The following PKHD1 variants were observed in gnomAD, a reference collection of about 807,000 sequenced individuals.
PKHD1 encodes the protein fibrocystin.
Under a neutral mutation model 412.0 loss-of-function variants are expected in PKHD1, and 291 were observed. That is an observed-to-expected ratio of 0.71 (90% CI 0.64 to 0.78). The LOEUF (loss-of-function observed/expected upper bound fraction) is 0.78, where lower values mean the gene tolerates loss of function less well. Ranked by LOEUF, PKHD1 falls within the 30% of genes least tolerant of loss-of-function variation. PKHD1 has a pLI of 0.00. For missense variants in PKHD1, 4,825 were observed against 4,950.7 expected, an observed-to-expected ratio of 0.97 and a Z score of 0.76; for synonymous variants, 1,777 against 1,821.5, an observed-to-expected ratio of 0.98 and a Z score of 0.62.
intron 35 of PKHD1, among the ~76,000 whole-genome samples, chr6:51,977,810 C>G (rs1251972940): frequency 6.6e-6 from 1 of 152,192 alleles, no homozygotes; most frequent in East Asian, 1.9e-4. Flanking sequence ...TGCCCTTGCC[C>G]AGTGGCAGAG....
At chr6:51,906,410 C>T in intron 40 of PKHD1, 70 bp from the exon 41 acceptor site, 6 of 1,182,346 alleles carry the variant, frequency 5.1e-6, no homozygotes, top group Middle Eastern at 1.9e-4. Context: ...TTTAGAGCAA[C>T]CTACACTGTA....
chr6:51,994,348 G>A (rs1583780769), intron 35 of PKHD1, among the ~76,000 whole-genome samples: 1 of 152,074 alleles, frequency 6.6e-6, no homozygotes, highest in African/African-American at 2.4e-5. Flanking sequence ...TGTTAGCCAG[G>A]ATGGTCTCGA....
At chr6:51,818,263 A>G (rs968335470) in intron 52 of PKHD1, among the ~76,000 whole-genome samples, 1 of 152,226 alleles carries the variant, frequency 6.6e-6, no homozygotes, top group Non-Finnish European at 1.5e-5. Context: ...TTTGTTAATC[A>G]AATACCACTA....
rs189400132 is a variant in PKHD1 at position 51,910,999 on chromosome 6, T to A, written c.6490+800A>T. ...ACATTACCAGACATCTCTACACAGTTGGCTGGCCTGCTGGCATCTCAGTTA... is the reference window on the plus strand; with the variant it reads ...ACATTACCAGACATCTCTACACAGTAGGCTGGCCTGCTGGCATCTCAGTTA... On this transcript the variant is annotated intron_variant, in intron 39 of 66. Transcript: ENST00000371117. 6.6e-5 allele frequency among the ~76,000 whole-genome samples: 10 copies of A among 152,258 alleles called. No individual in the cohort carries two copies. The East Asian group carries it at 1.7e-3, about 27-fold the overall frequency.
rs559009019 is a variant in PKHD1, at chr6:51,718,866, C to T, written c.10156+25519G>A. On this transcript the variant is annotated intron_variant, in intron 60 of 66. Transcript: ENST00000371117. The stretch of plus-strand genomic sequence containing the variant: ...AGGAAATACCAGAGCAATCATCATG[C>T]GTTCAGAGTTTATTTCACATTTATG... Among the ~76,000 whole-genome samples, 54 of 152,218 alleles carry T rather than the reference C, an allele frequency of 3.5e-4. 1 individual carries two copies. The highest frequency in any genetic ancestry group is 3.1e-3 in the Admixed American group (47 of 15,288).
At chr6:51,638,628 T>G (rs1014751363) in intron 64 of PKHD1, among the ~76,000 whole-genome samples, 12 of 151,984 alleles carry the variant, frequency 7.9e-5, no homozygotes, top group African/African-American at 2.9e-4. Flanking sequence ...GAGAAGGAAA[T>G]GTACATTTGG....
intron 60 of PKHD1, among the ~76,000 whole-genome samples, chr6:51,702,591 T>C (rs888520837): frequency 1.1e-4 from 16 of 151,870 alleles, no homozygotes; most frequent in Admixed American, 6.6e-4. Flanking sequence ...ACCAAGTGTT[T>C]CTGAGAAATT....
chr6:51,884,817 A>G (rs1395876721), intron 45 of PKHD1, among the ~76,000 whole-genome samples: 2 of 152,206 alleles, frequency 1.3e-5, no homozygotes, highest in African/African-American at 2.4e-5. Flanking sequence ...ACTTCTCTGC[A>G]TAAGAGGGCA....
intron 58 of PKHD1, among the ~76,000 whole-genome samples, chr6:51,747,092 G>A (rs567103480): frequency 1.5e-4 from 23 of 152,248 alleles, no homozygotes; most frequent in Middle Eastern, 3.4e-3. Context: ...CAACAGAGAA[G>A]AGTATTTCAA....
At chr6:51,977,447 A>G (rs1583663359) in intron 35 of PKHD1, among the ~76,000 whole-genome samples, 1 of 152,204 alleles carries the variant, frequency 6.6e-6, no homozygotes, top group Non-Finnish European at 1.5e-5. Context: ...CATTAGCTTC[A>G]TCGAGAACAG....
intron 60 of PKHD1, among the ~76,000 whole-genome samples, chr6:51,692,214 A>G (rs1473803269): frequency 1.3e-5 from 2 of 151,258 alleles, no homozygotes; most frequent in Non-Finnish European, 2.9e-5. Flanking sequence ...CACTGCCATC[A>G]CTTTTGCTTC....
chr6:51,836,935 C>A (rs1413934989), intron 50 of PKHD1, among the ~76,000 whole-genome samples: 2 of 152,156 alleles, frequency 1.3e-5, no homozygotes, highest in East Asian at 3.8e-4. Flanking sequence ...TCCCCACCCC[C>A]TATCCTCCTC....
intron 57 of PKHD1, among the ~76,000 whole-genome samples, chr6:51,749,650 A>G (rs1007048265): frequency 2.6e-5 from 4 of 152,176 alleles, no homozygotes; most frequent in Admixed American, 2.0e-4. Context: ...GGTAGGTACA[A>G]TTATTATCCC....
rs375497986 is a variant in PKHD1 at position 51,977,672 on chromosome 6, C to T, written c.5752-17646G>A. Among the ~76,000 whole-genome samples, 21 of 152,324 alleles carry T rather than the reference C, an allele frequency of 1.4e-4. 1 individual carries two copies. Among genetic ancestry groups the T allele is most frequent in the African/African-American group, 4.8e-4 (20 of 41,576 alleles). ...TTGTAGTATTTTCTATTTCCACTCTCTAAGCCAGCTCCACTACCTAAGCCA... is the reference window on the plus strand; with the variant it reads ...TTGTAGTATTTTCTATTTCCACTCTTTAAGCCAGCTCCACTACCTAAGCCA... On this transcript the variant is annotated intron_variant, in intron 35 of 66. Transcript: ENST00000371117.
In PKHD1 at chr6:51,809,188, C is replaced by T. The variant is rs185014720; in HGVS notation, c.8303-17815G>A. On this transcript the variant is annotated intron_variant, in intron 52 of 66. Coordinates refer to ENST00000371117, the MANE Select transcript of PKHD1 (RefSeq NM_138694.4). ...CATACAAAAATAGTTTCTTGTATTT[C>T]CTTTTGATTCCTTTATATTTAATAT... is the stretch of plus-strand genomic sequence containing the variant. 2.5e-3 allele frequency among the ~76,000 whole-genome samples: 375 copies of T among 152,104 alleles called. 1 individual carries two copies. Among genetic ancestry groups the T allele is most frequent in the African/African-American group, 8.6e-3 (356 of 41,520 alleles).
At chr6:51,834,760 G>A (rs1768894639) in intron 51 of PKHD1, among the ~76,000 whole-genome samples, 1 of 152,258 alleles carries the variant, frequency 6.6e-6, no homozygotes, top group Middle Eastern at 3.4e-3. Context: ...AACTCTTTGT[G>A]TTTTGAAATA....
At chr6:51,806,119 T>C (rs950905589) in intron 52 of PKHD1, among the ~76,000 whole-genome samples, 1 of 152,026 alleles carries the variant, frequency 6.6e-6, no homozygotes, top group Non-Finnish European at 1.5e-5. Context: ...ATATACCTAA[T>C]GTTAAATGAC....
intron 55 of PKHD1, among the ~76,000 whole-genome samples, chr6:51,757,971 A>G (rs1409841997): frequency 6.7e-6 from 1 of 149,148 alleles, no homozygotes; most frequent in Non-Finnish European, 1.5e-5. Context: ...TGATCATGCC[A>G]CTGTACTCCA....
intron 60 of PKHD1, among the ~76,000 whole-genome samples, chr6:51,716,514 A>G (rs541313377): frequency 1.7e-4 from 26 of 152,220 alleles, no homozygotes; most frequent in Non-Finnish European, 1.5e-5. Flanking sequence ...TCCCTCCCTT[A>G]GTGGGCCTTA....
Sources: allele counts gnomAD v4.1 joint callset (sites outside exome capture counted in the v4.1 genomes callset), GRCh38; gene constraint gnomAD v4.1.1; transcripts MANE v1.5; gene names NCBI Gene and HGNC (gene_info 2026-07-23, HGNC 2026-07-21).